Variants in GALNT13 observed in about 807,000 individuals in gnomAD.
The protein encoded by GALNT13 is polypeptide N-acetylgalactosaminyltransferase 13.
Under a neutral mutation model 64.2 loss-of-function variants are expected in GALNT13, and 28 were observed. The ratio of observed to expected loss-of-function variants is 0.44; its 90% CI spans 0.32 to 0.60. The LOEUF (loss-of-function observed/expected upper bound fraction) is 0.60. Among genes scored for constraint, GALNT13 ranks in the 20% least tolerant of loss-of-function variants. The pLI, the probability that GALNT13 is intolerant of heterozygous loss-of-function variation, is 0.05. For synonymous variants in GALNT13, 214 were observed against 224.6 expected (o/e 0.95, Z 0.42); for missense variants, 577 against 669.8 (o/e 0.86, Z 1.53).
intron 3 of GALNT13, among the ~76,000 whole-genome samples, chr2:154,115,771 C>T (rs1261755107): frequency 6.6e-6 from 1 of 151,960 alleles, no homozygotes; most frequent in Non-Finnish European, 1.5e-5. Context: ...ATGCAGAGTC[C>T]CTACTTAGTG....
At chr2:154,170,442 C>T (rs374204417) in intron 4 of GALNT13, among the ~76,000 whole-genome samples, 4 of 152,264 alleles carry the variant, frequency 2.6e-5, no homozygotes, top group Admixed American at 6.5e-5. Flanking sequence ...CTGCTATCCA[C>T]GTTGTTTACA....
intron 4 of GALNT13, among the ~76,000 whole-genome samples, chr2:154,237,617 C>G (rs551588438): frequency 6.7e-6 from 1 of 148,966 alleles, no homozygotes; most frequent in African/African-American, 2.5e-5. Context: ...TTACACAAAA[C>G]TTTAAATGCA....
intron 8 of GALNT13, among the ~76,000 whole-genome samples, chr2:154,275,884 G>A (rs1225156397): frequency 9.2e-5 from 14 of 152,216 alleles, no homozygotes; most frequent in African/African-American, 1.2e-4. Flanking sequence ...ACCCAAGGCC[G>A]TGGGAGCCCA....
the GALNT13 span, among the ~76,000 whole-genome samples, chr2:153,342,240 G>A: frequency 1.3e-5 from 2 of 152,088 alleles, no homozygotes; most frequent in Non-Finnish European, 2.9e-5. Flanking sequence ...TGAAAATGGC[G>A]ACTGTTGTCT....
chr2:153,238,723 T>C, the GALNT13 span, among the ~76,000 whole-genome samples: 2 of 152,122 alleles, frequency 1.3e-5, no homozygotes, highest in Non-Finnish European at 2.9e-5. Flanking sequence ...CATGCTGTTT[T>C]GGTTACTATA....
intron 9 of GALNT13, among the ~76,000 whole-genome samples, chr2:154,378,835 T>C (rs979520471): frequency 2.6e-5 from 4 of 152,114 alleles, no homozygotes; most frequent in African/African-American, 4.8e-5. Flanking sequence ...ATGGAAATAA[T>C]ATAAATATTT....
At chr2:154,165,464 A>T (rs1250079912) in intron 4 of GALNT13, among the ~76,000 whole-genome samples, 3 of 152,192 alleles carry the variant, frequency 2.0e-5, no homozygotes, top group Admixed American at 1.3e-4. Flanking sequence ...GCCTCATTAT[A>T]TTATCAAAAT....
the GALNT13 span, among the ~76,000 whole-genome samples, chr2:153,293,749 C>CT: frequency 4.8e-5 from 7 of 146,706 alleles, no homozygotes; most frequent in Non-Finnish European, 9.0e-5. Flanking sequence ...TAACATGTTA[C>CT]TTTTTTTCTG....
chr2:153,857,038 G>A, the GALNT13 span, among the ~76,000 whole-genome samples: 1 of 152,198 alleles, frequency 6.6e-6, no homozygotes, highest in African/African-American at 2.4e-5. Context: ...TTCAAAATAG[G>A]TGTTAGAAAT....
At chr2:153,245,886 A>C in the GALNT13 span, among the ~76,000 whole-genome samples, 263 of 152,288 alleles carry the variant, frequency 1.7e-3, 1 homozygote, top group African/African-American at 5.8e-3. Flanking sequence ...CAATGCAAGC[A>C]GGCTAAGAAT....
At chr2:154,049,927 A>G (rs950055982) in intron 3 of GALNT13, among the ~76,000 whole-genome samples, 3 of 152,122 alleles carry the variant, frequency 2.0e-5, no homozygotes, top group African/African-American at 7.2e-5. Context: ...GACCAATACC[A>G]GCAAGTCCTT....
At chr2:153,819,868 C>G in the GALNT13 span, among the ~76,000 whole-genome samples, 1 of 152,144 alleles carries the variant, frequency 6.6e-6, no homozygotes, top group Non-Finnish European at 1.5e-5. Flanking sequence ...TGTTGCAACA[C>G]CACCAAAGGA....
chr2:153,174,209 C>A, the GALNT13 span, among the ~76,000 whole-genome samples: 1 of 152,220 alleles, frequency 6.6e-6, no homozygotes, highest in South Asian at 2.1e-4. Flanking sequence ...TCTGACCCAC[C>A]CTGGGGGGTC....
the GALNT13 span, among the ~76,000 whole-genome samples, chr2:153,573,738 A>T: frequency 6.6e-6 from 1 of 152,170 alleles, no homozygotes; most frequent in Admixed American, 6.5e-5. Context: ...TATATGCCTT[A>T]ATTTCATCCC....
At chr2:154,174,835 A>G (rs1454485048) in intron 4 of GALNT13, among the ~76,000 whole-genome samples, 1 of 152,110 alleles carries the variant, frequency 6.6e-6, no homozygotes, top group African/African-American at 2.4e-5. Flanking sequence ...GAATATTATC[A>G]CGTTTTTCTA....
At chr2:154,227,942 A>T (rs573625932) in intron 4 of GALNT13, among the ~76,000 whole-genome samples, 1 of 152,264 alleles carries the variant, frequency 6.6e-6, no homozygotes, top group Admixed American at 6.5e-5. Flanking sequence ...TGTTTTTAGT[A>T]GTGGTATTTC....
the GALNT13 span, among the ~76,000 whole-genome samples, chr2:153,257,033 G>C: frequency 6.6e-6 from 1 of 152,210 alleles, no homozygotes; most frequent in South Asian, 2.1e-4. Flanking sequence ...GGGCAATGGC[G>C]GGCGCCCCTC....
chr2:154,335,070 A>G (rs76408600), intron 9 of GALNT13, among the ~76,000 whole-genome samples: 16 of 152,058 alleles, frequency 1.1e-4, no homozygotes, highest in African/African-American at 3.9e-4. Context: ...ATGAGCTCCT[A>G]CAAGTATTTT....
intron 4 of GALNT13, among the ~76,000 whole-genome samples, chr2:154,200,562 G>A (rs1474669984): frequency 6.6e-6 from 1 of 152,140 alleles, no homozygotes; most frequent in Non-Finnish European, 1.5e-5. Context: ...TCTTGTGAAG[G>A]TCCTGGTCTC....
Sources: allele counts gnomAD v4.1 joint callset (sites outside exome capture counted in the v4.1 genomes callset), GRCh38; gene constraint gnomAD v4.1.1; transcripts MANE v1.5; gene names NCBI Gene and HGNC (gene_info 2026-07-23, HGNC 2026-07-21).